NBEA: variants seen among roughly 807,000 people sequenced by gnomAD.
NBEA encodes lysosomal-trafficking regulator 2.
NBEA carries 44 observed loss-of-function variants against 343.4 expected under a neutral mutation model. The observed-to-expected ratio is 0.13, with a 90% CI of 0.10 to 0.16. NBEA has a LOEUF of 0.16. Among genes scored for constraint, NBEA ranks in the 10% least tolerant of loss-of-function variants. NBEA has a pLI of 1.00. For missense variants in NBEA, 2,555 were observed against 3,631.3 expected, an observed-to-expected ratio of 0.70 and a Z score of 7.62; for synonymous variants, 1,175 against 1,238.7, an observed-to-expected ratio of 0.95 and a Z score of 1.08.
chr13:35,657,359 G>T (rs185427289), intron 55 of NBEA, among the ~76,000 whole-genome samples: 1 of 152,102 alleles, frequency 6.6e-6, no homozygotes, highest in Non-Finnish European at 1.5e-5. Context: ...TTTATTTGAG[G>T]GAAAAGATAT....
At chr13:34,954,787 G>A (rs554672694) in intron 1 of NBEA, among the ~76,000 whole-genome samples, 2 of 152,244 alleles carry the variant, frequency 1.3e-5, no homozygotes, top group South Asian at 2.1e-4. Flanking sequence ...TAGGTAAATA[G>A]TTGTTCTGTT....
chr13:35,421,175 T>A (rs2044248398), intron 38 of NBEA, among the ~76,000 whole-genome samples: 1 of 152,044 alleles, frequency 6.6e-6, no homozygotes, highest in South Asian at 2.1e-4. Context: ...GTGTTGATAT[T>A]TTTTATTGTG....
intron 1 of NBEA, among the ~76,000 whole-genome samples, chr13:34,984,216 G>T (rs1182245383): frequency 6.6e-6 from 1 of 152,134 alleles, no homozygotes; most frequent in Non-Finnish European, 1.5e-5. Context: ...TTTAGTATAA[G>T]GTGTAAGGAA....
In NBEA at chr13:35,119,645, G is replaced by A. The variant is rs551959908; in HGVS notation, c.2243+1171G>A. Among the ~76,000 whole-genome samples, 4 of 152,196 alleles carry A rather than the reference G, an allele frequency of 2.6e-5. No individual in the cohort carries two copies. In the South Asian group the frequency reaches 8.3e-4, roughly 32 times the overall value. ...CCAGGCTGGAGTGCAGTGTGCAGTG[G>A]CGCAATCTCAGCTCACTGCAAGCTC... On this transcript the variant is annotated intron_variant, in intron 16 of 58. Coordinates refer to ENST00000379939, the MANE Select transcript of NBEA (RefSeq NM_001385012.1).
intron 48 of NBEA, among the ~76,000 whole-genome samples, chr13:35,620,210 A>G (rs545884635): frequency 6.6e-6 from 1 of 152,036 alleles, no homozygotes; most frequent in Non-Finnish European, 1.5e-5. Flanking sequence ...GCGATAGACA[A>G]TTTTTTAAAA....
chr13:35,080,980 C>T (rs1427260529), intron 10 of NBEA, among the ~76,000 whole-genome samples: 1 of 152,150 alleles, frequency 6.6e-6, no homozygotes, highest in African/African-American at 2.4e-5. Context: ...AAGATGCTGG[C>T]ATTCATCATC....
chr13:35,588,368 A>G (rs2081376373), intron 46 of NBEA, among the ~76,000 whole-genome samples: 1 of 152,162 alleles, frequency 6.6e-6, no homozygotes, highest in African/African-American at 2.4e-5. Flanking sequence ...GAAATAGAAA[A>G]TGCATTAAAA....
chr13:35,433,058 C>T (rs1042380961), intron 39 of NBEA, among the ~76,000 whole-genome samples: 3 of 152,034 alleles, frequency 2.0e-5, no homozygotes, highest in Non-Finnish European at 2.9e-5. Context: ...AAGATGGTCT[C>T]CTACTTACAG....
chr13:34,943,052 A>G lies in NBEA; in HGVS notation c.232A>G (p.Ile78Val), dbSNP rs756646885. The change falls in exon 1 of 59, where the codon ATT (isoleucine) becomes GTT (valine). Residue 78 changes from isoleucine to valine, a missense_variant. Physicochemically the swap from Ile to Val is conservative, Grantham distance 29 (BLOSUM62 3). Around this residue, in one of 21 missense-constraint regions of NBEA, gnomAD observed 185 missense variants for 290.6 expected, o/e 0.64. Coordinates refer to ENST00000379939, the MANE Select transcript of NBEA (RefSeq NM_001385012.1). ...RNIRMKFAVL[I>V]GLIQVGEVSN... ...CATCCGGATGAAATTCGCAGTGTTG[A>G]TTGGACTCATACAGGTCGGAGAGGT... 3.7e-6 allele frequency: 6 copies of G among 1,613,444 alleles called. No homozygotes were observed. The South Asian group carries it at 5.5e-5, about 15-fold the overall frequency.
At chr13:35,666,004 G>C (rs979809168) in intron 56 of NBEA, among the ~76,000 whole-genome samples, 9 of 152,172 alleles carry the variant, frequency 5.9e-5, no homozygotes, top group Non-Finnish European at 1.2e-4. Context: ...TCAAATAGCA[G>C]TTCTCTGTGG....
At chr13:34,951,010 G>C (rs934557505) in intron 1 of NBEA, among the ~76,000 whole-genome samples, 5 of 152,134 alleles carry the variant, frequency 3.3e-5, no homozygotes, top group Non-Finnish European at 7.4e-5. Flanking sequence ...ATGATTGTTT[G>C]CTAGGGCAAG....
chr13:35,174,520 C>T (rs2070725142), intron 27 of NBEA, among the ~76,000 whole-genome samples: 1 of 152,104 alleles, frequency 6.6e-6, no homozygotes, highest in Non-Finnish European at 1.5e-5. Context: ...CTTTAAACTT[C>T]TGCAGATGGC....
chr13:35,265,139 G>A (rs534005653), intron 34 of NBEA, among the ~76,000 whole-genome samples: 2 of 151,774 alleles, frequency 1.3e-5, no homozygotes, highest in African/African-American at 4.8e-5. Flanking sequence ...ATTTGCAATT[G>A]CAATGTTTCC....
intron 1 of NBEA, among the ~76,000 whole-genome samples, chr13:34,981,386 T>C (rs879936984): frequency 1.3e-5 from 2 of 152,250 alleles, no homozygotes; most frequent in Admixed American, 1.3e-4. Context: ...ATATATATTT[T>C]CATAGATACC....
chr13:35,226,702 T>C (rs2074671384), intron 33 of NBEA, among the ~76,000 whole-genome samples: 1 of 147,330 alleles, frequency 6.8e-6, no homozygotes, highest in Non-Finnish European at 1.5e-5. Flanking sequence ...TTTTTTTTTT[T>C]ACTTTCGTAA....
chr13:35,018,719 T>G (rs1374423117), intron 1 of NBEA, among the ~76,000 whole-genome samples: 1 of 152,180 alleles, frequency 6.6e-6, no homozygotes, highest in Admixed American at 6.5e-5. Context: ...CCAATCTTTA[T>G]GCCTTTAATT....
At chr13:35,100,416 T>C (rs1284942621) in intron 11 of NBEA, among the ~76,000 whole-genome samples, 2 of 152,014 alleles carry the variant, frequency 1.3e-5, no homozygotes, top group African/African-American at 4.8e-5. Flanking sequence ...TTTTTTTGAA[T>C]GACAGAATAC....
intron 34 of NBEA, among the ~76,000 whole-genome samples, chr13:35,283,775 G>T (rs1169698317): frequency 1.3e-5 from 2 of 152,086 alleles, no homozygotes; most frequent in Non-Finnish European, 2.9e-5. Flanking sequence ...GGGAAATTTT[G>T]CTGATAATTG....
intron 1 of NBEA, among the ~76,000 whole-genome samples, chr13:34,998,835 G>A (rs915977602): frequency 2.6e-5 from 4 of 152,106 alleles, no homozygotes; most frequent in African/African-American, 9.7e-5. Flanking sequence ...CTCAGCTTAC[G>A]AAGATGACGG....
Sources: gnomAD v4.1 joint callset for allele counts (sites outside exome capture counted in the v4.1 genomes callset) on GRCh38, gnomAD v4.1.1 for gene constraint, gnomAD v4.1.1 regional missense constraint, MANE v1.5 for transcripts, NCBI Gene and HGNC (gene_info 2026-07-23, HGNC 2026-07-21) for gene names.